Variants in MSN observed in about 807,000 individuals in gnomAD.
MSN encodes moesin.
Under a neutral mutation model 48.0 loss-of-function variants are expected in MSN, and 2 were observed. The observed-to-expected ratio is 0.04, with a 90% CI of 0.02 to 0.13. MSN has a LOEUF of 0.13. Ranked by LOEUF, MSN falls within the 10% of genes least tolerant of loss-of-function variation. The pLI is 1.00. For missense variants in MSN, 267 were observed against 470.1 expected (o/e 0.57, Z 3.99); for synonymous variants, 146 against 166.9 (o/e 0.87, Z 0.97).
chrX:65,666,825 C>T (rs939895704), upstream of MSN, among the ~76,000 whole-genome samples: 4 of 111,307 alleles, frequency 3.6e-5, no homozygotes, highest in South Asian at 1.5e-3. Context: ...GATTCTGTGA[C>T]CTTGACAAGA....
intron 1 of MSN, among the ~76,000 whole-genome samples, chrX:65,615,364 C>T (rs1454213166): frequency 2.9e-4 from 32 of 108,651 alleles, no homozygotes; most frequent in Non-Finnish European, 6.0e-4. Context: ...TCTCCAACAC[C>T]TGTTGTTTCC....
At chrX:65,638,745 C>T (rs911426915) in intron 1 of MSN, among the ~76,000 whole-genome samples, 2 of 111,673 alleles carry the variant, frequency 1.8e-5, no homozygotes, top group African/African-American at 3.2e-5. Context: ...GAAGAGACAG[C>T]GTTTCACCAT....
intron 1 of MSN, among the ~76,000 whole-genome samples, chrX:65,629,022 A>G (rs1011486919): frequency 1.9e-5 from 2 of 107,799 alleles, no homozygotes; most frequent in South Asian, 8.5e-4. Flanking sequence ...GTGAGCCAAG[A>G]TCATGCCACT....
At chrX:65,599,864 G>T (rs2070219509) in intron 1 of MSN, among the ~76,000 whole-genome samples, 1 of 111,071 alleles carries the variant, frequency 9.0e-6, no homozygotes, top group African/African-American at 3.3e-5. Flanking sequence ...GAGGAGGAAA[G>T]GGAGGCTTTT....
At chrX:65,630,697 T>G (rs950858122) in intron 1 of MSN, among the ~76,000 whole-genome samples, 1 of 111,717 alleles carries the variant, frequency 9.0e-6, no homozygotes, top group African/African-American at 3.3e-5. Context: ...AGGCAACCAC[T>G]AGTCTACTTT....
chrX:65,697,617 C>T (rs968807946), intron 1 of MSN, among the ~76,000 whole-genome samples: 1 of 111,883 alleles, frequency 8.9e-6, no homozygotes, highest in African/African-American at 3.3e-5. Context: ...AATCAGGGTG[C>T]TTTAGCAGAA....
chrX:65,654,027 C>T (rs928301507), intron 1 of MSN, among the ~76,000 whole-genome samples: 5 of 109,322 alleles, frequency 4.6e-5, no homozygotes, highest in Non-Finnish European at 7.6e-5. Context: ...CCGCCTGCCT[C>T]GGCCTCCCAG....
At chrX:65,693,186 G>A (rs1348317774) in intron 1 of MSN, among the ~76,000 whole-genome samples, 1 of 111,631 alleles carries the variant, frequency 9.0e-6, no homozygotes, top group Non-Finnish European at 1.9e-5. Flanking sequence ...CCAAACCATT[G>A]TGTCTCCTTC....
chrX:65,731,547 C>CG (rs2071622542), intron 5 of MSN, among the ~76,000 whole-genome samples: 1 of 110,793 alleles, frequency 9.0e-6, no homozygotes, highest in Non-Finnish European at 1.9e-5. Context: ...GAGGCTGTCA[C>CG]AATGAATGAG....
chrX:65,598,902 C>T lies in MSN; in HGVS notation c.-22+10290C>T, dbSNP rs2070208031. ...AAGGCTGACTAGGGTAAGTTTGGTT[C>T]TATTACACAGCACTTTTGGGAGATT... On this transcript the variant is annotated intron_variant, in intron 1 of 3. Coordinates refer to the MSN transcript ENST00000609672. Among the ~76,000 whole-genome samples, 3 of 111,972 alleles carry T rather than the reference C, an allele frequency of 2.7e-5. No homozygotes were observed. The South Asian group carries it at 1.1e-3, about 41-fold the overall frequency.
chrX:65,603,565 TAAGG>T (rs1268648335), intron 1 of MSN, among the ~76,000 whole-genome samples: 4 of 111,747 alleles, frequency 3.6e-5, no homozygotes, highest in Middle Eastern at 4.6e-3. Context: ...TTACTGTGAC[TAAGG>T]AATTTAATTT....
chrX:65,631,605 T>C (rs1461741580), intron 1 of MSN, among the ~76,000 whole-genome samples: 1 of 111,997 alleles, frequency 8.9e-6, no homozygotes, highest in East Asian at 2.8e-4. Context: ...TTCCATGTTA[T>C]TGATGCACCG....
At position 65,645,098 on chromosome X, in the gene MSN, A is replaced by G. The variant is rs750332747; in HGVS notation, c.-22+56486A>G. Among the ~76,000 whole-genome samples, 6 of 111,693 alleles carry G rather than the reference A, an allele frequency of 5.4e-5. No homozygotes were observed. The East Asian group carries it at 1.7e-3, about 32-fold the overall frequency. Reference sequence around the variant, plus strand: ...GGGCTACTGGGCTGGGAGGAGGCCCAGCCCCACCCTCCCCTGTCTGGGCTT... The same window carrying G: ...GGGCTACTGGGCTGGGAGGAGGCCCGGCCCCACCCTCCCCTGTCTGGGCTT... On this transcript the variant is annotated intron_variant, in intron 1 of 3. Transcript: ENST00000609672.
At chrX:65,659,334 T>C (rs1232315287) in intron 1 of MSN, among the ~76,000 whole-genome samples, 2 of 110,726 alleles carry the variant, frequency 1.8e-5, no homozygotes, top group Non-Finnish European at 3.8e-5. Context: ...TTTGTATTTT[T>C]AGTAGAGATA....
intron 1 of MSN, among the ~76,000 whole-genome samples, chrX:65,636,131 C>A (rs971123400): frequency 2.5e-4 from 28 of 111,630 alleles, no homozygotes; most frequent in Non-Finnish European, 4.5e-4. Context: ...AATCTAGCTT[C>A]TATACTGGAC....
exon 1 of MSN, chrX:65,588,516 GCTGGCCACAC>G (rs1168912681): frequency 2.5e-6 from 2 of 789,064 alleles, no homozygotes; most frequent in Non-Finnish European, 3.0e-6. Flanking sequence ...CAGCAGCAAG[GCTGGCCACAC>G]CACCCATCAG....
At chrX:65,671,494 G>A (rs900679227) in intron 1 of MSN, among the ~76,000 whole-genome samples, 1 of 111,742 alleles carries the variant, frequency 8.9e-6, no homozygotes, top group South Asian at 3.8e-4. Flanking sequence ...TGAGCCACTC[G>A]AGTGGCACTA....
intron 1 of MSN, among the ~76,000 whole-genome samples, chrX:65,687,988 T>C (rs1470374771): frequency 1.8e-5 from 2 of 112,127 alleles, no homozygotes; most frequent in Admixed American, 9.5e-5. Context: ...AAAGGATTTA[T>C]AATTTTAGGG....
intron 1 of MSN, among the ~76,000 whole-genome samples, chrX:65,646,880 G>A (rs1569457774): frequency 9.0e-6 from 1 of 111,376 alleles, no homozygotes; most frequent in African/African-American, 3.3e-5. Context: ...CCGGGGAGCG[G>A]AGGTTGTGGT....
Sources: allele counts gnomAD v4.1 joint callset (sites outside exome capture counted in the v4.1 genomes callset), GRCh38; gene constraint gnomAD v4.1.1; transcripts MANE v1.5; gene names NCBI Gene and HGNC (gene_info 2026-07-23, HGNC 2026-07-21).